Variants in ZFHX4 observed in about 807,000 individuals in gnomAD.
ZFHX4 encodes the protein zinc finger homeobox protein 4.
In ZFHX4, 56 loss-of-function variants were observed where a neutral mutation model predicts 267.6. The observed-to-expected ratio is 0.21, with a 90% CI of 0.17 to 0.26. ZFHX4 has a LOEUF of 0.26. ZFHX4 is among the 10% of genes least tolerant of loss of function. The pLI, the probability that ZFHX4 is intolerant of heterozygous loss-of-function variation, is 1.00. For missense variants in ZFHX4, 4,332 were observed against 4,420.0 expected, an observed-to-expected ratio of 0.98 and a Z score of 0.56; for synonymous variants, 1,778 against 1,665.6, an observed-to-expected ratio of 1.07 and a Z score of -1.64.
rs748293539 is a variant in ZFHX4, at chr8:76,853,231, G to A, written c.6310G>A (p.Ala2104Thr). 1.0e-5 allele frequency: 16 copies of A among 1,573,656 alleles called. No homozygotes were observed. Among genetic ancestry groups the A allele is most frequent in the Middle Eastern group, 3.3e-4 (2 of 6,036 alleles). ...TGCCCTGCAGCTGCCACAGATGGAC[G>A]CACTCTCTGCAGACCTCACCCAACT... ...QLALQLPQMDALSADLTQLCQ... is the reference protein window; with the variant it reads ...QLALQLPQMDTLSADLTQLCQ... Residue 2104 changes from alanine to threonine, a missense_variant, in exon 10 of 11, where the codon GCA becomes ACA. Ala to Thr is a moderately conservative substitution (Grantham distance 58). Transcript: ENST00000651372.
chr8:76,858,082 G>C (rs1472076255), intron 10 of ZFHX4, among the ~76,000 whole-genome samples: 2 of 152,188 alleles, frequency 1.3e-5, no homozygotes, highest in South Asian at 2.1e-4. Context: ...GGTGGTCAAA[G>C]CATCTTGTTT....
chr8:76,825,576 C>G (rs1462611474), intron 4 of ZFHX4, among the ~76,000 whole-genome samples: 1 of 152,186 alleles, frequency 6.6e-6, no homozygotes, highest in African/African-American at 2.4e-5. Context: ...GCTCAAACTG[C>G]TCAAGCAAAA....
intron 3 of ZFHX4, among the ~76,000 whole-genome samples, chr8:76,718,785 A>T (rs1808642997): frequency 6.6e-6 from 1 of 151,918 alleles, no homozygotes; most frequent in Non-Finnish European, 1.5e-5. Flanking sequence ...ATTTCCTTAG[A>T]TGTATGTTTT....
At chr8:76,735,722 GACAA>G (rs1301069814) in intron 3 of ZFHX4, among the ~76,000 whole-genome samples, 2 of 152,112 alleles carry the variant, frequency 1.3e-5, no homozygotes, top group African/African-American at 4.8e-5. Flanking sequence ...CCCATTTGCA[GACAA>G]ACAAGCTTTT....
At chr8:76,759,004 AAATATTTTCCACAAAAT>A (rs541392645) in intron 3 of ZFHX4, among the ~76,000 whole-genome samples, 239 of 152,340 alleles carry the variant, frequency 1.6e-3, no homozygotes, top group African/African-American at 5.5e-3. Flanking sequence ...TATGTGGATT[AAATATTTTCCACAAAAT>A]AAAATCATTT....
At chr8:76,725,870 AGTT>A (rs1808839068) in intron 3 of ZFHX4, among the ~76,000 whole-genome samples, 1 of 152,196 alleles carries the variant, frequency 6.6e-6, no homozygotes, top group Non-Finnish European at 1.5e-5. Flanking sequence ...TGTTAATACC[AGTT>A]AGCAAGGACA....
intron 6 of ZFHX4, among the ~76,000 whole-genome samples, chr8:76,843,143 C>T (rs1356765572): frequency 6.6e-6 from 1 of 152,112 alleles, no homozygotes; most frequent in Non-Finnish European, 1.5e-5. Flanking sequence ...TTTTCATAAG[C>T]ATAGGATTAG....
chr8:76,764,480 T>G (rs947722864), intron 3 of ZFHX4, among the ~76,000 whole-genome samples: 37 of 152,204 alleles, frequency 2.4e-4, no homozygotes, highest in African/African-American at 8.9e-4. Context: ...CATTGGTACA[T>G]GCTTACCAAG....
intron 1 of ZFHX4, among the ~76,000 whole-genome samples, chr8:76,682,106 G>T (rs1807547327): frequency 6.6e-6 from 1 of 151,956 alleles, no homozygotes; most frequent in South Asian, 2.1e-4. Flanking sequence ...ACTGCCAGGG[G>T]TCTCCGCTCG....
chr8:76,760,349 A>G (rs1305226724), intron 3 of ZFHX4, among the ~76,000 whole-genome samples: 8 of 152,158 alleles, frequency 5.3e-5, no homozygotes, highest in Admixed American at 1.3e-4. Context: ...CTTTATTAAT[A>G]TGTCTTTACT....
chr8:76,751,362 C>A (rs1183348901), intron 3 of ZFHX4, among the ~76,000 whole-genome samples: 1 of 152,076 alleles, frequency 6.6e-6, no homozygotes, highest in East Asian at 1.9e-4. Context: ...GGCTTAAAAG[C>A]CAGGAAAGAA....
At chr8:76,750,789 G>T (rs1412178411) in intron 3 of ZFHX4, among the ~76,000 whole-genome samples, 2 of 152,020 alleles carry the variant, frequency 1.3e-5, no homozygotes, top group East Asian at 1.9e-4. Context: ...ACCCAGGAAT[G>T]AATCTAAATA....
intron 4 of ZFHX4, among the ~76,000 whole-genome samples, chr8:76,815,238 A>G (rs1333214552): frequency 6.6e-6 from 1 of 152,152 alleles, no homozygotes; most frequent in Admixed American, 6.5e-5. Flanking sequence ...TAATAATGTG[A>G]AAGGGAATGT....
At chr8:76,708,131 T>C in intron 3 of ZFHX4, 83 bp downstream of exon 3, 1 of 1,557,898 alleles carries the variant, frequency 6.4e-7, no homozygotes, top group Non-Finnish European at 8.7e-7. Context: ...AGTCTCCAAC[T>C]TAAGGAAAAA....
At chr8:76,744,585 G>A (rs1176606387) in intron 3 of ZFHX4, among the ~76,000 whole-genome samples, 2 of 151,740 alleles carry the variant, frequency 1.3e-5, no homozygotes, top group East Asian at 2.0e-4. Flanking sequence ...GCTAATTTTT[G>A]TATTTTTCGT....
chr8:76,835,219 G>GTGTA (rs1186626481), intron 5 of ZFHX4, among the ~76,000 whole-genome samples: 4 of 76,112 alleles, frequency 5.3e-5, no homozygotes, highest in African/African-American at 2.4e-4. Context: ...GTATATATAT[G>GTGTA]TATATATATA....
chr8:76,848,086 G>T (rs1486015808), intron 6 of ZFHX4, among the ~76,000 whole-genome samples: 1 of 152,084 alleles, frequency 6.6e-6, no homozygotes, highest in Non-Finnish European at 1.5e-5. Flanking sequence ...ATAATAAACA[G>T]CAGAAAAAAG....
At chr8:76,773,862 T>C (rs1409870775) in intron 3 of ZFHX4, among the ~76,000 whole-genome samples, 1 of 152,162 alleles carries the variant, frequency 6.6e-6, no homozygotes. Flanking sequence ...GCCCTCTTTC[T>C]CAGAATGCAT....
chr8:76,801,747 A>G (rs1011703229), intron 4 of ZFHX4, among the ~76,000 whole-genome samples: 1 of 152,150 alleles, frequency 6.6e-6, no homozygotes, highest in African/African-American at 2.4e-5. Context: ...TCACGTGTAT[A>G]TATGTTGGGA....
Sources: gnomAD v4.1 joint callset for allele counts (sites outside exome capture counted in the v4.1 genomes callset) on GRCh38, gnomAD v4.1.1 for gene constraint, MANE v1.5 for transcripts, NCBI Gene and HGNC (gene_info 2026-07-23, HGNC 2026-07-21) for gene names.